The following USP34 variants were observed in gnomAD, a reference collection of about 807,000 sequenced individuals.
USP34 encodes the protein ubiquitin specific peptidase 34.
Under a neutral mutation model 460.3 loss-of-function variants are expected in USP34, and 70 were observed. That is an observed-to-expected ratio of 0.15 (90% CI 0.13 to 0.19). The LOEUF (loss-of-function observed/expected upper bound fraction) is 0.19. Ranked by LOEUF, USP34 falls within the 10% of genes least tolerant of loss-of-function variation. The pLI, the probability that USP34 is intolerant of heterozygous loss-of-function variation, is 1.00. For missense variants in USP34, 3,985 were observed against 4,236.2 expected (o/e 0.94, Z 1.65); for synonymous variants, 1,647 against 1,405.3 (o/e 1.17, Z -3.85).
intron 27 of USP34, among the ~76,000 whole-genome samples, chr2:61,306,336 C>A (rs1229767592): frequency 2.0e-5 from 3 of 152,104 alleles, no homozygotes; most frequent in Admixed American, 6.6e-5. Flanking sequence ...AATCCTTTCC[C>A]CATTGCTTAT....
intron 2 of USP34, among the ~76,000 whole-genome samples, chr2:61,418,531 T>C (rs1446548489): frequency 6.6e-6 from 1 of 152,214 alleles, no homozygotes. Context: ...CATGAGTTTA[T>C]CTCCACGCTA....
At chr2:61,339,911 A>G (rs999216011) in intron 16 of USP34, among the ~76,000 whole-genome samples, 2 of 152,008 alleles carry the variant, frequency 1.3e-5, no homozygotes, top group African/African-American at 4.8e-5. Flanking sequence ...GCCTCCAGTA[A>G]TCTCCTTCCT....
At chr2:61,256,745 A>T in intron 47 of USP34, 128 bp downstream of exon 47, 1 of 675,758 alleles carries the variant, frequency 1.5e-6, no homozygotes, top group Non-Finnish European at 2.3e-6. Context: ...TTATTTGAAT[A>T]GTACAGTAAG....
intron 1 of USP34, among the ~76,000 whole-genome samples, chr2:61,433,833 G>C (rs1452057818): frequency 1.3e-5 from 2 of 152,168 alleles, no homozygotes; most frequent in Non-Finnish European, 2.9e-5. Context: ...CACCTCTGGA[G>C]TGCACCCTCT....
chr2:61,238,794 T>C (rs1025173405), intron 53 of USP34, among the ~76,000 whole-genome samples: 3 of 152,184 alleles, frequency 2.0e-5, no homozygotes, highest in Non-Finnish European at 4.4e-5. Context: ...CTCATTTTAT[T>C]GTGCTTCACT....
At chr2:61,326,809 G>C (rs573120168) in intron 20 of USP34, among the ~76,000 whole-genome samples, 2 of 138,858 alleles carry the variant, frequency 1.4e-5, no homozygotes, top group African/African-American at 2.7e-5. Context: ...TTGCCGAAAC[G>C]GAGTTTCACA....
intron 10 of USP34, among the ~76,000 whole-genome samples, chr2:61,369,275 T>C (rs535164140): frequency 1.1e-4 from 16 of 152,298 alleles, no homozygotes; most frequent in Non-Finnish European, 2.4e-4. Context: ...GAATTTATCA[T>C]AGCTACACAA....
chr2:61,299,584 C>G lies in USP34; in HGVS notation c.4128+1367G>C, dbSNP rs375508368. On this transcript the variant is annotated intron_variant, in intron 29 of 79. Coordinates refer to ENST00000398571, the MANE Select transcript of USP34 (RefSeq NM_014709.4). ...CCTGGGCAACATAGAGAGACCATGT[C>G]TACAAAATATTAAAAAATTAGCCAG... Among the ~76,000 whole-genome samples, 8 of 151,928 alleles carry G rather than the reference C, an allele frequency of 5.3e-5. No homozygotes were observed. In the East Asian group the frequency reaches 1.2e-3, roughly 22 times the overall value.
At chr2:61,389,165 G>A (rs1414395490) in intron 5 of USP34, among the ~76,000 whole-genome samples, 1 of 152,124 alleles carries the variant, frequency 6.6e-6, no homozygotes, top group African/African-American at 2.4e-5. Flanking sequence ...AGGATGAATT[G>A]TGTTTATTTT....
At chr2:61,226,979 A>C in intron 62 of USP34, 88 bp downstream of exon 62, 1 of 1,406,946 alleles carries the variant, frequency 7.1e-7, no homozygotes, top group East Asian at 2.5e-5. Context: ...ATATAATAAA[A>C]AGCTAGTGGA....
At chr2:61,259,029 G>A (rs1278112175) in intron 44 of USP34, among the ~76,000 whole-genome samples, 2 of 152,146 alleles carry the variant, frequency 1.3e-5, no homozygotes, top group African/African-American at 2.4e-5. Flanking sequence ...GGAGGCTGAG[G>A]CAGGCAGATC....
intron 3 of USP34, among the ~76,000 whole-genome samples, chr2:61,397,590 A>G (rs1250728353): frequency 6.6e-6 from 1 of 152,122 alleles, no homozygotes; most frequent in Non-Finnish European, 1.5e-5. Context: ...ACATGGTGAA[A>G]CCGCGTCTCT....
intron 1 of USP34, among the ~76,000 whole-genome samples, chr2:61,439,842 T>G (rs933340674): frequency 2.0e-5 from 3 of 152,134 alleles, no homozygotes; most frequent in Non-Finnish European, 4.4e-5. Context: ...GGAGACCTCA[T>G]GATGTGTGGC....
At chr2:61,326,937 C>G (rs1691111037) in intron 20 of USP34, among the ~76,000 whole-genome samples, 1 of 151,948 alleles carries the variant, frequency 6.6e-6, no homozygotes, top group African/African-American at 2.4e-5. Flanking sequence ...GTGCATGCCT[C>G]CACACCCAGC....
intron 65 of USP34, among the ~76,000 whole-genome samples, chr2:61,222,341 G>T (rs1687610854): frequency 6.6e-6 from 1 of 152,118 alleles, no homozygotes; most frequent in Non-Finnish European, 1.5e-5. Context: ...GCACAATTAG[G>T]ATATATGTTC....
chr2:61,397,841 G>A (rs1425628593), intron 3 of USP34, among the ~76,000 whole-genome samples: 1 of 151,978 alleles, frequency 6.6e-6, no homozygotes, highest in Non-Finnish European at 1.5e-5. Flanking sequence ...GGAGGCTGCA[G>A]TGAGCTGAGA....
chr2:61,447,254 CAAAAAAAA>C (rs763711140), intron 1 of USP34, among the ~76,000 whole-genome samples: 1,116 of 59,700 alleles, frequency 0.019, 23 homozygotes, highest in African/African-American at 0.063. Flanking sequence ...AACTGTCTTC[CAAAAAAAA>C]AAAAAAAAAA....
At chr2:61,238,035 A>G (rs1013319325) in intron 53 of USP34, among the ~76,000 whole-genome samples, 1 of 151,856 alleles carries the variant, frequency 6.6e-6, no homozygotes, top group Admixed American at 6.6e-5. Context: ...AGCTGGGATT[A>G]CAGGTGCCCG....
chr2:61,403,051 AAAGAGGCACATATCTAATATATTAATAG>A (rs1693767174), intron 3 of USP34, among the ~76,000 whole-genome samples: 1 of 152,134 alleles, frequency 6.6e-6, no homozygotes, highest in African/African-American at 2.4e-5. Context: ...AAAGAAAATT[AAAGAGGCACATATCTAATATATTAATAG>A]AATTTGGTAT....
Sources: gnomAD v4.1 joint callset for allele counts (sites outside exome capture counted in the v4.1 genomes callset) on GRCh38, gnomAD v4.1.1 for gene constraint, MANE v1.5 for transcripts, NCBI Gene and HGNC (gene_info 2026-07-23, HGNC 2026-07-21) for gene names.